The following SERPINB11 variants were observed in gnomAD, a reference collection of about 807,000 sequenced individuals.
The protein encoded by SERPINB11 is serpin B11.
SERPINB11 carries 32 observed loss-of-function variants against 36.7 expected under a neutral mutation model. The ratio of observed to expected loss-of-function variants is 0.87; its 90% CI spans 0.66 to 1.17. The LOEUF (loss-of-function observed/expected upper bound fraction) is 1.17, where lower values mean the gene tolerates loss of function less well. Among genes scored for constraint, SERPINB11 ranks in the 50% most tolerant of loss-of-function variants. SERPINB11 has a pLI of 0.00. For synonymous variants in SERPINB11, 174 were observed against 168.1 expected, an observed-to-expected ratio of 1.04 and a Z score of -0.27; for missense variants, 528 against 458.4, an observed-to-expected ratio of 1.15 and a Z score of -1.39.
At chr18:63,719,699 A>G (rs1185423452) in intron 5 of SERPINB11, among the ~76,000 whole-genome samples, 1 of 152,118 alleles carries the variant, frequency 6.6e-6, no homozygotes, top group Non-Finnish European at 1.5e-5. Context: ...ATGATTACAT[A>G]ATATCTAAAT....
At chr18:63,722,730 G>A (rs1372347773) in intron 7 of SERPINB11, among the ~76,000 whole-genome samples, 1 of 152,220 alleles carries the variant, frequency 6.6e-6, no homozygotes, top group Admixed American at 6.5e-5. Context: ...GTGCAGTGAA[G>A]CATGTATGCT....
chr18:63,703,633 G>A (rs1399949551), intron 1 of SERPINB11, among the ~76,000 whole-genome samples: 1 of 152,160 alleles, frequency 6.6e-6, no homozygotes, highest in Non-Finnish European at 1.5e-5. Context: ...GGAAAGAGAG[G>A]TAGGTGCTAG....
At chr18:63,720,759 T>G in intron 6 of SERPINB11, 72 bp from the exon 7 acceptor site, 3 of 1,124,682 alleles carry the variant, frequency 2.7e-6, no homozygotes, top group Non-Finnish European at 3.8e-6. Context: ...ATCCGTGTTA[T>G]GCAAGGTAAT....
At chr18:63,705,476 T>C (rs1712792201) in intron 1 of SERPINB11, 2 of 152,184 alleles carry the variant, frequency 1.3e-5, no homozygotes, top group South Asian at 4.1e-4. Context: ...GTGTCTATGG[T>C]GGTGGAGAAG....
At chr18:63,712,057 G>A (rs558716185) in intron 3 of SERPINB11, among the ~76,000 whole-genome samples, 1 of 152,108 alleles carries the variant, frequency 6.6e-6, no homozygotes, top group African/African-American at 2.4e-5. Context: ...TAAATTCTTA[G>A]CCATCTTTCA....
At chr18:63,713,690 A>G (rs77589807) in intron 4 of SERPINB11, among the ~76,000 whole-genome samples, 1,632 of 152,284 alleles carry the variant, frequency 0.011, 26 homozygotes, top group African/African-American at 0.037. Context: ...GGAACGATGT[A>G]TGGAGAGTGT....
At chr18:63,705,884 T>C (rs550701261) in intron 1 of SERPINB11, 15 of 152,306 alleles carry the variant, frequency 9.8e-5, no homozygotes, top group African/African-American at 3.6e-4. Flanking sequence ...TACTTCACGA[T>C]TGGAAGTGCT....
intron 4 of SERPINB11, among the ~76,000 whole-genome samples, chr18:63,715,584 G>A (rs754866175): frequency 6.6e-6 from 1 of 152,152 alleles, no homozygotes; most frequent in Non-Finnish European, 1.5e-5. Context: ...CAGCTTGTGA[G>A]GAGATTGATA....
chr18:63,711,232 C>T (rs1914513672), intron 2 of SERPINB11, 103 bp from the exon 3 acceptor site: 1 of 805,640 alleles, frequency 1.2e-6, no homozygotes, highest in Non-Finnish European at 2.1e-6. Context: ...GCTATCACTA[C>T]TGATCTTGAT....
rs771837833 is a variant in SERPINB11, at chr18:63,723,300, A to C, written c.1080A>C (p.Pro360=). The change falls in exon 8 of 8, where the codon CCA becomes CCC. Residue 360 remains proline (P), a synonymous_variant. Transcript: ENST00000544088. ...ACAGCATCGCTGTAAAAAGCCTACC[A>C]ATGAGAGCTCAGTTCAAGGCGAACC... The part of the protein sequence containing the change: ...TGDSIAVKSL[P]MRAQFKANHP... 6.2e-7 allele frequency: 1 copy of C among 1,613,952 alleles called. No individual in the cohort carries two copies. The highest frequency in any genetic ancestry group is 8.5e-7 in the Non-Finnish European group (1 of 1,179,862).
chr18:63,710,389 G>A lies in SERPINB11; in HGVS notation c.168+28G>A, dbSNP rs771627708. ...ATGGAATTCCTCAGAGGTTTGTTCA[G>A]AACCCAGAAGTCTTTCATGCTCCCG... is the stretch of plus-strand genomic sequence containing the variant. On this transcript the variant is annotated intron_variant, in intron 2 of 7. Transcript: ENST00000544088. 5.7e-6 allele frequency: 9 copies of A among 1,570,864 alleles called. No homozygotes were observed. The Admixed American group carries it at 1.7e-4, about 30-fold the overall frequency.
Position 63,710,344 on chromosome 18 carries a change from G to A in SERPINB11, c.151G>A (p.Glu51Lys), listed in dbSNP as rs765575561. 38 of 1,612,612 alleles carry A rather than the reference G, an allele frequency of 2.4e-5. No individual in the cohort carries two copies. The highest frequency in any genetic ancestry group is 2.9e-5 in the Non-Finnish European group (34 of 1,179,274). ...MVLLGARGET[E>K]EQLEKVLHFS... ...CCTCCTTGGTGCCAGGGGAGAGACT[G>A]AAGAGCAATTGGAGAAGGTATGGAA... is the stretch of plus-strand genomic sequence containing the variant. The change falls in exon 2 of 8, where the codon GAA becomes AAA. Residue 51 changes from glutamate (E) to lysine (K), a missense_variant. Glu to Lys is a moderately conservative substitution (Grantham distance 56). Transcript: ENST00000544088.
At chr18:63,710,580 TTTA>T (rs1914497622) in intron 2 of SERPINB11, among the ~76,000 whole-genome samples, 2 of 152,252 alleles carry the variant, frequency 1.3e-5, no homozygotes, top group Non-Finnish European at 2.9e-5. Context: ...TGGTCTCTTT[TTTA>T]CTATCAGTGG....
chr18:63,707,821 C>A (rs539442490), intron 1 of SERPINB11, among the ~76,000 whole-genome samples: 1 of 152,102 alleles, frequency 6.6e-6, no homozygotes, highest in Admixed American at 6.5e-5. Flanking sequence ...AAAAACAAAA[C>A]AAAGACCTTG....
chr18:63,713,794 G>C (rs1914590899), intron 4 of SERPINB11, among the ~76,000 whole-genome samples: 2 of 152,282 alleles, frequency 1.3e-5, no homozygotes, highest in South Asian at 4.1e-4. Flanking sequence ...AGATATAACA[G>C]TAGACAAATG....
Position 63,718,215 on chromosome 18 carries a change from G to T in SERPINB11, c.476-1798G>T, listed in dbSNP as rs568985783. Among the ~76,000 whole-genome samples, 6 of 152,106 alleles carry T rather than the reference G, an allele frequency of 3.9e-5. No homozygotes were observed. The South Asian group carries it at 1.2e-3, about 32-fold the overall frequency. On this transcript the variant is annotated intron_variant, in intron 5 of 7. Transcript: ENST00000544088. ...AGTAGCTTTATAATAACTCTTGGAA[G>T]CTGGAAGTGTAATCCCTCCAATGTT...
intron 7 of SERPINB11, 93 bp downstream of exon 7, chr18:63,721,079 G>A (rs1914802057): frequency 5.1e-6 from 6 of 1,167,562 alleles, no homozygotes; most frequent in South Asian, 4.6e-5. Flanking sequence ...TGACATTAGC[G>A]TAGTCATTGA....
At chr18:63,704,011 G>T (rs555871432) in intron 1 of SERPINB11, among the ~76,000 whole-genome samples, 1 of 152,212 alleles carries the variant, frequency 6.6e-6, no homozygotes, top group Non-Finnish European at 1.5e-5. Context: ...CCCTTACCAC[G>T]TGAGTGGGCT....
Position 63,716,148 on chromosome 18 carries a change from TA to T in SERPINB11, c.473del (p.Asn158MetfsTer18). 6.3e-7 allele frequency: 1 copy of T among 1,575,516 alleles called. No homozygotes were observed. The highest frequency in any genetic ancestry group is 8.7e-7 in the Non-Finnish European group (1 of 1,148,206). On this transcript the variant is annotated frameshift_variant, in exon 5 of 8. Transcript: ENST00000544088. LOFTEE classifies it high-confidence loss of function. ...TINAWVENKTNGKVANLFGKS... is the reference protein window; with the variant it reads ...TINAWVENKTXGKVANLFGKS... ...TTAATGCTTGGGTTGAAAATAAAAC[TA>T]ATGGTAAGGATAAGTCAATATGTGT...
Sources: allele counts gnomAD v4.1 joint callset (sites outside exome capture counted in the v4.1 genomes callset), GRCh38; gene constraint gnomAD v4.1.1; transcripts MANE v1.5; gene names NCBI Gene and HGNC (gene_info 2026-07-23, HGNC 2026-07-21).